The following ABCA12 variants were observed in gnomAD, a reference collection of about 807,000 sequenced individuals.
ABCA12 encodes the protein ATP binding cassette subfamily A member 12, also known as glucosylceramide transporter ABCA12.
ABCA12 carries 156 observed loss-of-function variants against 293.5 expected under a neutral mutation model. The ratio of observed to expected loss-of-function variants is 0.53; its 90% CI spans 0.47 to 0.61. The LOEUF is 0.61. Among genes scored for constraint, ABCA12 ranks in the 20% least tolerant of loss-of-function variants. The pLI is 0.00. For missense variants in ABCA12, 2,797 were observed against 3,090.2 expected (o/e 0.91, Z 2.25); for synonymous variants, 1,063 against 1,108.0 (o/e 0.96, Z 0.81).
chr2:215,003,294 A>G (rs1343892546), intron 20 of ABCA12, among the ~76,000 whole-genome samples: 1 of 152,166 alleles, frequency 6.6e-6, no homozygotes, highest in Non-Finnish European at 1.5e-5. Flanking sequence ...AGGTGGGGAC[A>G]TGGCAGAGGG....
At chr2:215,119,734 TAAAA>T (rs386654995) in intron 1 of ABCA12, among the ~76,000 whole-genome samples, 1 of 75,608 alleles carries the variant, frequency 1.3e-5, no homozygotes, top group African/African-American at 3.8e-5. Context: ...CATTAAAAAG[TAAAA>T]AAAAAAAAAA....
chr2:215,096,415 C>T lies in ABCA12; in HGVS notation c.163+15182G>A, dbSNP rs1575041475. Among the ~76,000 whole-genome samples, 3 of 152,214 alleles carry T rather than the reference C, an allele frequency of 2.0e-5. 1 individual carries two copies. In the South Asian group the frequency reaches 6.2e-4, roughly 32 times the overall value. On this transcript the variant is annotated intron_variant, in intron 2 of 52. Coordinates refer to ENST00000272895, the MANE Select transcript of ABCA12 (RefSeq NM_173076.3). ...CTCTAAGAGTTTTGATTTTTCTCAT[C>T]TGGAAATGGAAATCACAGTAATTAA...
intron 1 of ABCA12, among the ~76,000 whole-genome samples, chr2:215,113,289 G>C (rs1307813386): frequency 6.6e-6 from 1 of 152,196 alleles, no homozygotes; most frequent in Non-Finnish European, 1.5e-5. Context: ...ATAATGGTAA[G>C]TTTTCAAAAA....
intron 28 of ABCA12, among the ~76,000 whole-genome samples, chr2:214,984,164 T>G (rs984140057): frequency 7.7e-6 from 1 of 130,676 alleles, no homozygotes. Context: ...TGGCACGATC[T>G]CAGCTCACTG....
At chr2:214,959,417 T>C (rs1007308257) in intron 39 of ABCA12, among the ~76,000 whole-genome samples, 4 of 152,142 alleles carry the variant, frequency 2.6e-5, no homozygotes, top group African/African-American at 9.7e-5. Flanking sequence ...TATATGTTTG[T>C]ATTTCAACAG....
At chr2:215,034,109 T>C (rs1047488006) in intron 8 of ABCA12, among the ~76,000 whole-genome samples, 4 of 152,174 alleles carry the variant, frequency 2.6e-5, no homozygotes, top group African/African-American at 9.7e-5. Flanking sequence ...TAATGTACTA[T>C]TTTGCAAAAG....
chr2:214,997,566 G>A, intron 23 of ABCA12, 129 bp downstream of exon 23: 1 of 670,498 alleles, frequency 1.5e-6, no homozygotes, highest in Non-Finnish European at 2.5e-6. Flanking sequence ...ATTTGTAAAA[G>A]GTTTTTCTTT....
Position 214,978,826 on chromosome 2 carries a change from A to G in ABCA12, c.4955T>C (p.Ile1652Thr). The G allele has an allele frequency of 1.2e-6, 2 of 1,614,076 alleles. No individual in the cohort carries two copies. Among genetic ancestry groups the G allele is most frequent in the Non-Finnish European group, 1.7e-6 (2 of 1,179,976 alleles). ...TACCTCCTCCACGGTGGTATCTGAAATGCCGTAGCACCCGATGTTGAGGTC... is the reference window on the plus strand; with the variant it reads ...TACCTCCTCCACGGTGGTATCTGAAGTGCCGTAGCACCCGATGTTGAGGTC... ...MGDLNIGCYG[I>T]SDTTVEEVFL... Residue 1652 changes from isoleucine to threonine, a missense_variant, in exon 32 of 53, where the codon ATT becomes ACT. Coordinates refer to ENST00000272895, the MANE Select transcript of ABCA12 (RefSeq NM_173076.3).
At chr2:214,941,566 G>A (rs973283265) in intron 50 of ABCA12, among the ~76,000 whole-genome samples, 57 of 151,922 alleles carry the variant, frequency 3.8e-4, no homozygotes, top group African/African-American at 1.2e-3. Context: ...GTCTTCCCCT[G>A]TGATTGTGTG....
chr2:215,097,682 C>G (rs1365262449), intron 2 of ABCA12, among the ~76,000 whole-genome samples: 1 of 152,178 alleles, frequency 6.6e-6, no homozygotes, highest in African/African-American at 2.4e-5. Context: ...AAATTTAATA[C>G]TCTTTGCACT....
intron 7 of ABCA12, chr2:215,039,098 A>T (rs1701045934): frequency 6.6e-6 from 1 of 152,206 alleles, no homozygotes. Flanking sequence ...TCATCTCAGT[A>T]AGGCAACAAT....
chr2:214,968,837 GT>G (rs1356945944), intron 37 of ABCA12, 30 bp from the exon 38 acceptor site: 1 of 1,591,412 alleles, frequency 6.3e-7, no homozygotes, highest in Admixed American at 1.7e-5. Context: ...TATATCTTTG[GT>G]TTAGTGGAGA....
chr2:215,110,726 T>C (rs1351155654), intron 2 of ABCA12, among the ~76,000 whole-genome samples: 1 of 152,214 alleles, frequency 6.6e-6, no homozygotes, highest in African/African-American at 2.4e-5. Flanking sequence ...TAAAAGTCAC[T>C]AGCTTTTTAC....
At chr2:215,096,210 C>T (rs142590834) in intron 2 of ABCA12, among the ~76,000 whole-genome samples, 1 of 152,260 alleles carries the variant, frequency 6.6e-6, no homozygotes, top group African/African-American at 2.4e-5. Flanking sequence ...TTATTACATG[C>T]TATCTTATTA....
intron 1 of ABCA12, among the ~76,000 whole-genome samples, chr2:215,131,201 T>C (rs1703047014): frequency 6.6e-6 from 1 of 152,062 alleles, no homozygotes; most frequent in African/African-American, 2.4e-5. Flanking sequence ...TTGTTGTTGT[T>C]GTGTCCTTGC....
At chr2:215,124,656 T>G (rs1702883925) in intron 1 of ABCA12, among the ~76,000 whole-genome samples, 1 of 152,192 alleles carries the variant, frequency 6.6e-6, no homozygotes, top group African/African-American at 2.4e-5. Flanking sequence ...GGATTGTTTG[T>G]TTTTTTCTTG....
At chr2:214,981,634 AG>A in intron 30 of ABCA12, among the ~76,000 whole-genome samples, 1 of 152,316 alleles carries the variant, frequency 6.6e-6, no homozygotes, top group South Asian at 2.1e-4. Flanking sequence ...TCTTCAGAAA[AG>A]AAAGAGCCAA....
chr2:215,128,261 G>A (rs147609817), intron 1 of ABCA12, among the ~76,000 whole-genome samples: 6 of 152,274 alleles, frequency 3.9e-5, no homozygotes, highest in Admixed American at 2.0e-4. Flanking sequence ...TGGATAACCC[G>A]ATGAAAATGT....
chr2:215,085,106 A>C (rs1702013765), intron 2 of ABCA12, among the ~76,000 whole-genome samples: 1 of 149,286 alleles, frequency 6.7e-6, no homozygotes, highest in African/African-American at 2.5e-5. Flanking sequence ...AAAAAAAAAA[A>C]CAGAAAAAAC....
Sources: gnomAD v4.1 joint callset for allele counts (sites outside exome capture counted in the v4.1 genomes callset) on GRCh38, gnomAD v4.1.1 for gene constraint, MANE v1.5 for transcripts, NCBI Gene and HGNC (gene_info 2026-07-23, HGNC 2026-07-21) for gene names.